PKD2L2: variants seen among roughly 807,000 people sequenced by gnomAD.
PKD2L2 encodes polycystin 2 like 2, transient receptor potential cation channel.
PKD2L2 carries 67 observed loss-of-function variants against 83.9 expected under a neutral mutation model. The observed-to-expected ratio is 0.80, with a 90% CI of 0.66 to 0.98. The LOEUF (loss-of-function observed/expected upper bound fraction) is 0.98. PKD2L2 is among the 50% of genes least tolerant of loss of function. The probability of loss-of-function intolerance (pLI) is 0.00; values close to 1 mark genes in which losing one functional copy is unlikely to be tolerated. For missense variants in PKD2L2, 632 were observed against 717.2 expected (o/e 0.88, Z 1.36); for synonymous variants, 223 against 237.8 (o/e 0.94, Z 0.57).
intron 14 of PKD2L2, chr5:137,939,947 A>G: frequency 7.2e-7 from 1 of 1,379,596 alleles, no homozygotes; most frequent in South Asian, 2.0e-5. Context: ...GTCTTTTGCT[A>G]AAAGGATGTA....
rs775562287 is a variant in PKD2L2, at chr5:137,892,632, G to A, written c.267+19G>A. On this transcript the variant is annotated intron_variant, in intron 3 of 14. Transcript: ENST00000508883. ...TTGGAAGGTAAAGTATCTTGTGACT[G>A]TGGATGAAGTAGATTTAGGTAGTCC... The A allele has an allele frequency of 6.2e-7, 1 of 1,606,036 alleles. No homozygotes were observed.
Position 137,942,729 on chromosome 5 carries a change from T to C in PKD2L2, c.*363T>C, listed in dbSNP as rs76422610. On this transcript the variant is annotated 3_prime_UTR_variant, in exon 15 of 15. Transcript: ENST00000508883. The stretch of plus-strand genomic sequence containing the variant: ...AAAAATGGGAATGACAATAAATATT[T>C]GCAAATCACACTTGAAAAGCATGTG... 3 of 630,348 alleles carry C rather than the reference T, an allele frequency of 4.8e-6. No homozygotes were observed. The East Asian group carries it at 9.3e-5, about 20-fold the overall frequency. 39.0% of individuals were successfully genotyped at this position (630,348 alleles called of 1,614,324 possible).
Position 137,942,396 on chromosome 5 carries a change from ACT to A in PKD2L2, c.*33_*34del. 1 of 239,716 alleles carries A rather than the reference ACT, an allele frequency of 4.2e-6. No individual in the cohort carries two copies. The highest frequency in any genetic ancestry group is 8.1e-6 in the Non-Finnish European group (1 of 123,742). 14.8% of individuals were successfully genotyped at this position (239,716 alleles called of 1,614,324 possible). On this transcript the variant is annotated 3_prime_UTR_variant, in exon 15 of 15. Transcript: ENST00000508883. ...TTTCCTTTTTTAGAGACAGAGTCTCACTCTGTCGCCCAGGCTGGAACAGCGGT... is the reference window on the plus strand; with the variant it reads ...TTTCCTTTTTTAGAGACAGAGTCTCACTGTCGCCCAGGCTGGAACAGCGGT...
At chr5:137,914,210 T>C (rs1391969938) in intron 8 of PKD2L2, among the ~76,000 whole-genome samples, 1 of 152,042 alleles carries the variant, frequency 6.6e-6, no homozygotes, top group Non-Finnish European at 1.5e-5. Context: ...TCTTGATTTC[T>C]TTTTTGAATA....
chr5:137,894,940 C>G (rs1286285178), intron 4 of PKD2L2, among the ~76,000 whole-genome samples: 1 of 152,180 alleles, frequency 6.6e-6, no homozygotes, highest in Non-Finnish European at 1.5e-5. Flanking sequence ...ATGCCCACAA[C>G]ACATCCCCAA....
intron 8 of PKD2L2, among the ~76,000 whole-genome samples, chr5:137,913,382 C>T (rs1758031501): frequency 6.7e-6 from 1 of 149,604 alleles, no homozygotes. Flanking sequence ...GACAGGATCT[C>T]ATTTTGTTGC....
chr5:137,908,690 C>A (rs1276876532), intron 7 of PKD2L2, 75 bp from the exon 8 acceptor site: 7 of 709,032 alleles, frequency 9.9e-6, no homozygotes, highest in Admixed American at 3.3e-5. Flanking sequence ...AAGCAGAATT[C>A]TTCTGAAATT....
At chr5:137,898,108 A>G (rs1295233662) in intron 4 of PKD2L2, among the ~76,000 whole-genome samples, 1 of 151,986 alleles carries the variant, frequency 6.6e-6, no homozygotes, top group African/African-American at 2.4e-5. Context: ...GTGGTATAAC[A>G]GGCATGCGCC....
chr5:137,911,509 T>C (rs1757832412), intron 8 of PKD2L2, among the ~76,000 whole-genome samples: 1 of 152,210 alleles, frequency 6.6e-6, no homozygotes, highest in South Asian at 2.1e-4. Context: ...TGCTGGATCA[T>C]ATGATCTATT....
intron 3 of PKD2L2, among the ~76,000 whole-genome samples, chr5:137,893,985 GGGGAGGAGGGTT>G (rs966909853): frequency 1.3e-5 from 2 of 152,116 alleles, no homozygotes; most frequent in African/African-American, 2.4e-5. Context: ...GGCCAGAGTC[GGGGAGGAGGGTT>G]GGGAGGAGGG....
Position 137,936,424 on chromosome 5 carries a change from G to A in PKD2L2, c.*14G>A, listed in dbSNP as rs1399947325. 1 of 1,533,654 alleles carries A rather than the reference G, an allele frequency of 6.5e-7. No homozygotes were observed. Among genetic ancestry groups the A allele is most frequent in the African/African-American group, 1.4e-5 (1 of 72,948 alleles). Reference sequence around the variant, plus strand: ...TCAGCTCTATAGTATTGAGACAAGTGGAGGTAAGAATCTGTGATGCAATCA... The same window carrying A: ...TCAGCTCTATAGTATTGAGACAAGTAGAGGTAAGAATCTGTGATGCAATCA... On this transcript the variant is annotated 3_prime_UTR_variant, in exon 14 of 15. Coordinates refer to ENST00000508883, the MANE Select transcript of PKD2L2 (RefSeq NM_001300921.2).
At chr5:137,933,496 A>G (rs1291411931) in intron 12 of PKD2L2, among the ~76,000 whole-genome samples, 1 of 152,210 alleles carries the variant, frequency 6.6e-6, no homozygotes, top group Non-Finnish European at 1.5e-5. Flanking sequence ...ATATACACAT[A>G]ACAAGCAAAG....
At chr5:137,924,117 G>A (rs943019177) in intron 10 of PKD2L2, among the ~76,000 whole-genome samples, 3 of 151,906 alleles carry the variant, frequency 2.0e-5, no homozygotes, top group Middle Eastern at 6.3e-3. Flanking sequence ...AGTACTTTTC[G>A]CCCAGCCTTC....
intron 14 of PKD2L2, chr5:137,941,989 T>C (rs200420966): frequency 6.2e-7 from 1 of 1,614,134 alleles, no homozygotes; most frequent in Non-Finnish European, 8.5e-7. Context: ...CCGCAACGTT[T>C]TGCGTAGTTT....
chr5:137,907,067 T>C (rs1285096222), intron 6 of PKD2L2, among the ~76,000 whole-genome samples: 1 of 152,210 alleles, frequency 6.6e-6, no homozygotes, highest in Non-Finnish European at 1.5e-5. Flanking sequence ...TTCTGGCTTA[T>C]ACAATCTGAT....
At chr5:137,939,858 AG>A in intron 14 of PKD2L2, 1 of 1,304,456 alleles carries the variant, frequency 7.7e-7, no homozygotes, top group Non-Finnish European at 9.7e-7. Context: ...AATTTTCTTC[AG>A]TAATGAGAAA....
chr5:137,921,619 G>GT lies in PKD2L2; in HGVS notation c.1329-12dup, dbSNP rs1433400951. The GT allele has an allele frequency of 9.2e-6, 14 of 1,528,374 alleles. No homozygotes were observed. The highest frequency in any genetic ancestry group is 3.4e-4 in the Middle Eastern group (2 of 5,836). The allele number at this position is 1,528,374 out of a possible 1,614,324, so 94.7% of individuals were successfully genotyped here. A position where few individuals can be genotyped will look rare whatever the true frequency, so the allele number is the denominator to read the frequency against. On this transcript the variant is annotated splice_polypyrimidine_tract_variant and intron_variant, in intron 8 of 14. Transcript: ENST00000508883. ...TACATAAAGGTATATATTTTCTACTGTTTTTCTTTCTTAAAGATTTGCACA... is the reference window on the plus strand; with the variant it reads ...TACATAAAGGTATATATTTTCTACTGTTTTTTCTTTCTTAAAGATTTGCACA...
At chr5:137,919,237 A>G (rs181333587) in intron 8 of PKD2L2, among the ~76,000 whole-genome samples, 11 of 152,328 alleles carry the variant, frequency 7.2e-5, no homozygotes, top group East Asian at 5.8e-4. Flanking sequence ...TTTTCATTCA[A>G]TATAACCCTG....
intron 2 of PKD2L2, among the ~76,000 whole-genome samples, chr5:137,891,441 G>A (rs903906209): frequency 2.3e-4 from 35 of 151,494 alleles, no homozygotes; most frequent in African/African-American, 8.0e-4. Context: ...ACTTCAGCCT[G>A]GGTGACAGGC....
Sources: gnomAD v4.1 joint callset for allele counts (sites outside exome capture counted in the v4.1 genomes callset) on GRCh38, gnomAD v4.1.1 for gene constraint, MANE v1.5 for transcripts, NCBI Gene and HGNC (gene_info 2026-07-23, HGNC 2026-07-21) for gene names.